The following WWP2 variants were observed in gnomAD, a reference collection of about 807,000 sequenced individuals.
WWP2 encodes WW domain containing E3 ubiquitin protein ligase 2.
WWP2 carries 57 observed loss-of-function variants against 121.0 expected under a neutral mutation model. The observed-to-expected ratio is 0.47, with a 90% CI of 0.38 to 0.59. WWP2 has a LOEUF of 0.59. WWP2 is among the 20% of genes least tolerant of loss of function. The pLI, the probability that WWP2 is intolerant of heterozygous loss-of-function variation, is 0.00. For synonymous variants in WWP2, 449 were observed against 441.3 expected (o/e 1.02, Z -0.22); for missense variants, 962 against 1,158.9 (o/e 0.83, Z 2.47).
chr16:69,929,625 GC>G, intron 12 of WWP2, 96 bp downstream of exon 12: 1 of 1,064,770 alleles, frequency 9.4e-7, no homozygotes, highest in Non-Finnish European at 1.4e-6. Context: ...GTCCCAGAGG[GC>G]TGATGTCAGG....
In WWP2 at chr16:69,820,764, C is replaced by T. The variant is rs2056577411; in HGVS notation, c.341-19362C>T. Among the ~76,000 whole-genome samples, 2 of 79,150 alleles carry T rather than the reference C, an allele frequency of 2.5e-5. 1 individual carries two copies. The highest frequency in any genetic ancestry group is 7.3e-5 in the Non-Finnish European group (2 of 27,280). The allele number at this position is 79,150 out of a possible 152,430, so 51.9% of individuals were successfully genotyped here. A position where few individuals can be genotyped will look rare whatever the true frequency, so the allele number is the denominator to read the frequency against. On this transcript the variant is annotated intron_variant, in intron 4 of 23. Coordinates refer to ENST00000359154, the MANE Select transcript of WWP2 (RefSeq NM_001270454.2). The stretch of plus-strand genomic sequence containing the variant: ...AGAATGTAAGGTCTATGGGGGCAGG[C>T]GTTTTGTGAATTTTGTTCACTTTTG...
intron 5 of WWP2, among the ~76,000 whole-genome samples, chr16:69,841,399 G>A (rs1221429928): frequency 6.6e-6 from 1 of 152,138 alleles, no homozygotes; most frequent in African/African-American, 2.4e-5. Context: ...AGGCCAAGGT[G>A]GGAGTGTGGG....
chr16:69,794,365 C>CA (rs2055982075), intron 2 of WWP2, among the ~76,000 whole-genome samples: 1 of 151,964 alleles, frequency 6.6e-6, no homozygotes, highest in African/African-American at 2.4e-5. Context: ...CCTGTCTCTA[C>CA]AAAAAATACA....
At chr16:69,855,673 T>G (rs1310562930) in intron 6 of WWP2, among the ~76,000 whole-genome samples, 1 of 152,114 alleles carries the variant, frequency 6.6e-6, no homozygotes, top group Non-Finnish European at 1.5e-5. Context: ...CATGAGGATA[T>G]CTGGGGAAAG....
intron 4 of WWP2, among the ~76,000 whole-genome samples, chr16:69,804,025 A>G (rs2056225921): frequency 6.6e-6 from 1 of 152,182 alleles, no homozygotes; most frequent in Non-Finnish European, 1.5e-5. Context: ...TGCCCTATTA[A>G]TGTCCTTTGC....
rs1035707027 is a variant in WWP2 at position 69,931,183 on chromosome 16, C to T, written c.1477C>T (p.Arg493Cys). Residue 493 changes from arginine to cysteine, a missense_variant, in exon 14 of 24, where the codon CGC becomes TGC. Physicochemically the swap from Arg to Cys is radical, Grantham distance 180. Coordinates refer to ENST00000359154, the MANE Select transcript of WWP2 (RefSeq NM_001270454.2). ...TKQGSPGAYD[R>C]SFRWKYHQFR... ...GCAAGGTTCCCCTGGTGCTTATGAC[C>T]GCAGTTTTCGGTGGAAGTATCACCA... 5.0e-6 allele frequency: 8 copies of T among 1,614,008 alleles called. No individual in the cohort carries two copies. The highest frequency in any genetic ancestry group is 4.2e-6 in the Non-Finnish European group (5 of 1,180,012).
At chr16:69,859,530 T>TG (rs1739530588) in intron 6 of WWP2, among the ~76,000 whole-genome samples, 2 of 151,670 alleles carry the variant, frequency 1.3e-5, no homozygotes, top group African/African-American at 4.8e-5. Flanking sequence ...CACTCCAGCC[T>TG]GGGCGACAGA....
chr16:69,940,271 T>C lies in WWP2; in HGVS notation c.*331T>C. 3.4e-6 allele frequency: 1 copy of C among 289,860 alleles called. No homozygotes were observed. Among genetic ancestry groups the C allele is most frequent in the Non-Finnish European group, 6.4e-6 (1 of 155,164 alleles). The allele number at this position is 289,860 out of a possible 1,614,324, so 18.0% of individuals were successfully genotyped here. On this transcript the variant is annotated 3_prime_UTR_variant, in exon 24 of 24. Coordinates refer to ENST00000359154, the MANE Select transcript of WWP2 (RefSeq NM_001270454.2). ...TGAGTGTGCAAGGGAAGGTGTTGCA[T>C]CCCCAGGGGCTGCCGCAGAGGCCGG...
intron 4 of WWP2, among the ~76,000 whole-genome samples, chr16:69,819,095 G>A (rs2056548005): frequency 6.6e-6 from 1 of 152,126 alleles, no homozygotes. Flanking sequence ...AGCACCTCCT[G>A]TCTGCATTGC....
chr16:69,806,412 G>T (rs938508499), intron 4 of WWP2, among the ~76,000 whole-genome samples: 1 of 152,108 alleles, frequency 6.6e-6, no homozygotes, highest in South Asian at 2.1e-4. Context: ...TGGAATCAAG[G>T]CCAAGCTAAT....
At chr16:69,861,928 A>G (rs946462816) in intron 6 of WWP2, among the ~76,000 whole-genome samples, 14 of 152,056 alleles carry the variant, frequency 9.2e-5, no homozygotes, top group Non-Finnish European at 1.9e-4. Context: ...GACAGACTTG[A>G]GGTGGGGAGC....
At chr16:69,797,851 A>G (rs1471372984) in intron 2 of WWP2, among the ~76,000 whole-genome samples, 1 of 151,954 alleles carries the variant, frequency 6.6e-6, no homozygotes, top group Admixed American at 6.6e-5. Flanking sequence ...TTGTGGCATT[A>G]CACTCCAGCC....
At chr16:69,764,346 G>A (rs72783163) in intron 1 of WWP2, among the ~76,000 whole-genome samples, 7,806 of 152,200 alleles carry the variant, frequency 0.051, 269 homozygotes, top group Middle Eastern at 0.11. Context: ...GACTACAGGT[G>A]GGTGCCACCT....
intron 1 of WWP2, among the ~76,000 whole-genome samples, chr16:69,772,230 G>T (rs1026888440): frequency 6.6e-6 from 1 of 152,094 alleles, no homozygotes; most frequent in Non-Finnish European, 1.5e-5. Flanking sequence ...CAAAGTGCTG[G>T]ACTAAAAGTC....
chr16:69,826,960 G>T (rs71384747), intron 4 of WWP2, among the ~76,000 whole-genome samples: 48,333 of 93,956 alleles, frequency 0.51, 10,322 homozygotes, highest in Admixed American at 0.63. Flanking sequence ...AAAAAGGGGG[G>T]GGGGCGGAGA....
chr16:69,775,800 G>C (rs1357125481), intron 1 of WWP2, among the ~76,000 whole-genome samples: 1 of 152,086 alleles, frequency 6.6e-6, no homozygotes, highest in Non-Finnish European at 1.5e-5. Flanking sequence ...GTTTAAAAAA[G>C]AAAGCTGGAC....
chr16:69,900,457 T>A (rs2058185429), intron 8 of WWP2, among the ~76,000 whole-genome samples: 1 of 152,182 alleles, frequency 6.6e-6, no homozygotes. Flanking sequence ...GGCGAGACTC[T>A]GTCTCTATTT....
rs1464979922 is a variant in WWP2 at position 69,931,199 on chromosome 16, A to G, written c.1493A>G (p.Lys498Arg). 6.2e-7 allele frequency: 1 copy of G among 1,614,054 alleles called. No homozygotes were observed. The highest frequency in any genetic ancestry group is 8.5e-7 in the Non-Finnish European group (1 of 1,180,032). Residue 498 changes from lysine to arginine, a missense_variant, in exon 14 of 24, where the codon AAG becomes AGG. Physicochemically the swap from Lys to Arg is conservative, Grantham distance 26 (BLOSUM62 2). Around this residue, in one of 3 missense-constraint regions of WWP2, gnomAD observed 606 missense variants for 772.6 expected, o/e 0.78. Transcript: ENST00000359154. Reference sequence around the variant, plus strand: ...GCTTATGACCGCAGTTTTCGGTGGAAGTATCACCAGTTCCGTTTCCTCTGC... The same window carrying G: ...GCTTATGACCGCAGTTTTCGGTGGAGGTATCACCAGTTCCGTTTCCTCTGC... ...PGAYDRSFRW[K>R]YHQFRFLCHS...
rs577036478 is a variant in WWP2, at chr16:69,783,949, C to T, written c.-15-3047C>T. ...CGGCATGGGCGACAGAGTGAGATAC[C>T]ATCTCTAAAAAACATAAGATACAAA... On this transcript the variant is annotated intron_variant, in intron 1 of 23. Transcript: ENST00000359154. 4.6e-5 allele frequency among the ~76,000 whole-genome samples: 7 copies of T among 152,118 alleles called. 1 individual carries two copies. Among genetic ancestry groups the T allele is most frequent in the African/African-American group, 1.7e-4 (7 of 41,500 alleles).
Sources: allele counts gnomAD v4.1 joint callset (sites outside exome capture counted in the v4.1 genomes callset), GRCh38; gene constraint gnomAD v4.1.1; regional missense constraint gnomAD v4.1.1; transcripts MANE v1.5; gene names NCBI Gene and HGNC (gene_info 2026-07-23, HGNC 2026-07-21).